Variants in SDK1 observed in about 807,000 individuals in gnomAD.
The protein encoded by SDK1 is sidekick cell adhesion molecule 1, also known as protein sidekick-1.
SDK1 carries 157 observed loss-of-function variants against 245.5 expected under a neutral mutation model. The ratio of observed to expected loss-of-function variants is 0.64; its 90% CI spans 0.56 to 0.73. The LOEUF (loss-of-function observed/expected upper bound fraction) is 0.73. SDK1 is among the 30% of genes least tolerant of loss of function. SDK1 has a pLI of 0.00. For missense variants in SDK1, 3,583 were observed against 3,002.3 expected (o/e 1.19, Z -4.52); for synonymous variants, 1,647 against 1,278.5 (o/e 1.29, Z -6.15).
chr7:3,324,169 C>T (rs1372863448), intron 1 of SDK1, among the ~76,000 whole-genome samples: 5 of 152,076 alleles, frequency 3.3e-5, no homozygotes, highest in Admixed American at 2.6e-4. Flanking sequence ...TTTTCATGGT[C>T]ATTTTTCTGG....
chr7:3,334,518 G>A (rs998851839), intron 1 of SDK1, among the ~76,000 whole-genome samples: 1 of 152,116 alleles, frequency 6.6e-6, no homozygotes, highest in Non-Finnish European at 1.5e-5. Flanking sequence ...TGGGAGGACT[G>A]AGGCTCTCGG....
chr7:4,200,883 A>G (rs1017932974), intron 35 of SDK1, among the ~76,000 whole-genome samples: 1 of 152,246 alleles, frequency 6.6e-6, no homozygotes, highest in African/African-American at 2.4e-5. Flanking sequence ...TCTTGTAAAT[A>G]AAGTTTTATT....
chr7:3,883,585 C>T (rs896020693), intron 5 of SDK1, among the ~76,000 whole-genome samples: 4 of 152,160 alleles, frequency 2.6e-5, no homozygotes, highest in Non-Finnish European at 4.4e-5. Flanking sequence ...CTTAAATAGT[C>T]CTGGACCCCA....
chr7:4,206,046 T>A (rs1352662068), intron 36 of SDK1, 52 bp downstream of exon 36: 2 of 1,213,700 alleles, frequency 1.6e-6, no homozygotes, highest in African/African-American at 1.5e-5. Flanking sequence ...GCACCCCTCG[T>A]TCACGTGGTC....
chr7:4,138,637 C>T (rs1415258517), intron 28 of SDK1, among the ~76,000 whole-genome samples: 5 of 151,684 alleles, frequency 3.3e-5, no homozygotes, highest in South Asian at 2.1e-4. Flanking sequence ...ATCCCACCTA[C>T]TTGGGAGGCT....
At chr7:4,047,715 C>G (rs767907976) in intron 17 of SDK1, among the ~76,000 whole-genome samples, 8 of 152,204 alleles carry the variant, frequency 5.3e-5, no homozygotes, top group Non-Finnish European at 1.0e-4. Context: ...GACGGGTGAG[C>G]AGGACCCATC....
intron 1 of SDK1, among the ~76,000 whole-genome samples, chr7:3,492,238 G>A (rs560075822): frequency 6.6e-6 from 1 of 152,280 alleles, no homozygotes; most frequent in African/African-American, 2.4e-5. Flanking sequence ...ATGTGCTAGG[G>A]GAGATTTGTG....
chr7:4,249,445 T>C (rs1787146878), intron 44 of SDK1, among the ~76,000 whole-genome samples: 1 of 152,198 alleles, frequency 6.6e-6, no homozygotes, highest in Non-Finnish European at 1.5e-5. Context: ...CAAATGCACC[T>C]CATGGTTCCT....
chr7:3,833,724 C>T (rs951663581), intron 5 of SDK1, among the ~76,000 whole-genome samples: 1 of 152,206 alleles, frequency 6.6e-6, no homozygotes, highest in Admixed American at 6.5e-5. Context: ...ATGGTACCAT[C>T]ATATTTGAAA....
At chr7:4,228,855 G>A (rs748234112) in intron 40 of SDK1, among the ~76,000 whole-genome samples, 36 of 152,084 alleles carry the variant, frequency 2.4e-4, no homozygotes, top group Non-Finnish European at 3.4e-4. Context: ...TTCCTACAAC[G>A]GCAACACAGC....
intron 5 of SDK1, among the ~76,000 whole-genome samples, chr7:3,884,161 G>C (rs187250703): frequency 2.0e-5 from 3 of 151,404 alleles, no homozygotes; most frequent in Non-Finnish European, 2.9e-5. Flanking sequence ...GCTCGCTGCA[G>C]CCTCGACCTC....
chr7:3,677,517 G>A (rs895056692), intron 4 of SDK1, among the ~76,000 whole-genome samples: 10 of 152,136 alleles, frequency 6.6e-5, no homozygotes, highest in African/African-American at 1.9e-4. Flanking sequence ...ATCAGATCTC[G>A]TGAGACTTAT....
intron 17 of SDK1, among the ~76,000 whole-genome samples, chr7:4,043,664 C>T (rs6462558): frequency 2.6e-5 from 4 of 152,104 alleles, no homozygotes; most frequent in Non-Finnish European, 5.9e-5. Context: ...GCTGCAGCCA[C>T]GCAAAGGTAC....
intron 7 of SDK1, among the ~76,000 whole-genome samples, chr7:3,958,546 C>T (rs1296864518): frequency 6.6e-6 from 1 of 152,218 alleles, no homozygotes; most frequent in Non-Finnish European, 1.5e-5. Flanking sequence ...TGCACACCTT[C>T]CTCGGGCACT....
At chr7:3,996,961 A>G (rs1221089833) in intron 14 of SDK1, among the ~76,000 whole-genome samples, 1 of 152,178 alleles carries the variant, frequency 6.6e-6, no homozygotes, top group Non-Finnish European at 1.5e-5. Flanking sequence ...TATAATTTGT[A>G]TGTAACAAAA....
chr7:3,717,231 A>G (rs1211024948), intron 4 of SDK1, among the ~76,000 whole-genome samples: 1 of 152,224 alleles, frequency 6.6e-6, no homozygotes, highest in Non-Finnish European at 1.5e-5. Flanking sequence ...TTTAAAGAAT[A>G]GAAATGCATA....
At chr7:3,986,368 T>C (rs916858690) in intron 13 of SDK1, among the ~76,000 whole-genome samples, 2 of 152,180 alleles carry the variant, frequency 1.3e-5, no homozygotes, top group Admixed American at 6.5e-5. Context: ...ATAATGACAA[T>C]GTAACCTCAT....
At chr7:3,504,883 A>G (rs1289610913) in intron 1 of SDK1, among the ~76,000 whole-genome samples, 4 of 152,176 alleles carry the variant, frequency 2.6e-5, no homozygotes, top group African/African-American at 9.7e-5. Flanking sequence ...CAATTAATAT[A>G]TGACCTAGCA....
intron 11 of SDK1, 30 bp from the exon 12 acceptor site, chr7:3,971,436 C>T (rs779454544): frequency 4.0e-6 from 6 of 1,490,770 alleles, no homozygotes; most frequent in South Asian, 1.2e-5. Context: ...CTTGTCATTT[C>T]GTCTGACTCG....
Sources: allele counts gnomAD v4.1 joint callset (sites outside exome capture counted in the v4.1 genomes callset), GRCh38; gene constraint gnomAD v4.1.1; transcripts MANE v1.5; gene names NCBI Gene and HGNC (gene_info 2026-07-23, HGNC 2026-07-21).